Variants in PDE3B observed in about 807,000 individuals in gnomAD.
PDE3B encodes the protein phosphodiesterase 3B.
A neutral mutation model predicts 116.8 loss-of-function variants in PDE3B; 66 were observed. The observed-to-expected ratio is 0.56, with a 90% CI of 0.46 to 0.69. PDE3B has a LOEUF of 0.69. PDE3B is among the 30% of genes least tolerant of loss of function. PDE3B has a pLI of 0.00. For missense variants in PDE3B, 1,384 were observed against 1,368.1 expected (o/e 1.01, Z -0.18); for synonymous variants, 595 against 533.6 (o/e 1.12, Z -1.59).
chr11:14,819,075 T>C (rs1859428659), intron 6 of PDE3B, 61 bp from the exon 7 acceptor site: 2 of 948,182 alleles, frequency 2.1e-6, no homozygotes, highest in Admixed American at 3.8e-5. Context: ...TTTCTAATTG[T>C]GTTCAGGTAA....
At chr11:14,650,689 G>A (rs1853548737) in intron 1 of PDE3B, among the ~76,000 whole-genome samples, 1 of 152,112 alleles carries the variant, frequency 6.6e-6, no homozygotes, top group Non-Finnish European at 1.5e-5. Context: ...ACCCTTGGGA[G>A]GCTGAGGCCG....
At chr11:14,890,610 G>C in the PDE3B span, 1 of 212,562 alleles carries the variant, frequency 4.7e-6, no homozygotes, top group Non-Finnish European at 7.5e-6. Flanking sequence ...GCAGTGGCGC[G>C]ATCTCGGCTC....
intron 1 of PDE3B, among the ~76,000 whole-genome samples, chr11:14,731,940 G>A (rs1856469746): frequency 6.6e-6 from 1 of 152,028 alleles, no homozygotes; most frequent in Non-Finnish European, 1.5e-5. Context: ...GTGCTGTGGA[G>A]GAAAATTAAG....
At chr11:14,712,882 AT>A (rs1390287412) in intron 1 of PDE3B, among the ~76,000 whole-genome samples, 1 of 152,226 alleles carries the variant, frequency 6.6e-6, no homozygotes, top group Non-Finnish European at 1.5e-5. Flanking sequence ...CTGATGTCAG[AT>A]TTAGATAATG....
intron 1 of PDE3B, among the ~76,000 whole-genome samples, chr11:14,735,921 T>C (rs1856582815): frequency 6.6e-6 from 1 of 150,516 alleles, no homozygotes; most frequent in Non-Finnish European, 1.5e-5. Flanking sequence ...ATATTTAGAG[T>C]CCTCACAAAA....
rs1183036852 is a variant in PDE3B, at chr11:14,643,896, C to T, written c.-180C>T. 1.1e-6 allele frequency: 1 copy of T among 892,918 alleles called. No individual in the cohort carries two copies. The highest frequency in any genetic ancestry group is 4.0e-5 in the Admixed American group (1 of 24,736). 55.3% of individuals were successfully genotyped at this position (892,918 alleles called of 1,614,324 possible). On this transcript the variant is annotated 5_prime_UTR_variant, in exon 1 of 16. Coordinates refer to ENST00000282096, the MANE Select transcript of PDE3B (RefSeq NM_000922.4). ...GCCCCTCTCCTCAGCCAGCATGTCC[C>T]GGACTCCGCCGCTCCTCAGTCCGCG... is the stretch of plus-strand genomic sequence containing the variant.
At chr11:14,861,412 A>G (rs1555007153) in intron 14 of PDE3B, 46 bp downstream of exon 14, 1 of 1,546,360 alleles carries the variant, frequency 6.5e-7, no homozygotes, top group Non-Finnish European at 8.9e-7. Flanking sequence ...AGCTGTCATG[A>G]GAAGACACTA....
intron 13 of PDE3B, among the ~76,000 whole-genome samples, chr11:14,859,464 G>A (rs1390172984): frequency 3.3e-5 from 5 of 151,438 alleles, no homozygotes; most frequent in South Asian, 2.1e-4. Context: ...ATTTTCTTTC[G>A]ACACATAAAC....
chr11:14,726,283 C>T (rs1326862651), intron 1 of PDE3B, among the ~76,000 whole-genome samples: 2 of 152,018 alleles, frequency 1.3e-5, no homozygotes, highest in Non-Finnish European at 2.9e-5. Flanking sequence ...CTAATATGTT[C>T]TTGTTTATTA....
At chr11:14,710,288 A>G (rs1216165553) in intron 1 of PDE3B, among the ~76,000 whole-genome samples, 1 of 152,124 alleles carries the variant, frequency 6.6e-6, no homozygotes, top group African/African-American at 2.4e-5. Flanking sequence ...TGCTGAATAG[A>G]TGATTTATTT....
At position 14,830,148 on chromosome 11, in the gene PDE3B, A is replaced by G. The variant is rs118131261; in HGVS notation, c.1808-550A>G. 6.1e-3 allele frequency among the ~76,000 whole-genome samples: 924 copies of G among 152,284 alleles called. 4 individuals carry two copies. Among genetic ancestry groups the G allele is most frequent in the Non-Finnish European group, 0.011 (749 of 67,990 alleles). The stretch of plus-strand genomic sequence containing the variant: ...GTTTTGGGTAATTTCCCTGTTTAAG[A>G]TATTACAAATAGAATGAATATGAAT... On this transcript the variant is annotated intron_variant, in intron 7 of 15. Transcript: ENST00000282096.
chr11:14,677,312 C>G (rs545734237), intron 1 of PDE3B, among the ~76,000 whole-genome samples: 1 of 151,924 alleles, frequency 6.6e-6, no homozygotes, highest in Admixed American at 6.5e-5. Flanking sequence ...AGCCAAATCA[C>G]TCTCTGAGGA....
Position 14,818,238 on chromosome 11 carries a change from T to C in PDE3B, c.1578T>C (p.Thr526=). 1.9e-6 allele frequency: 3 copies of C among 1,613,764 alleles called. No homozygotes were observed. Among genetic ancestry groups the C allele is most frequent in the Non-Finnish European group, 2.5e-6 (3 of 1,179,714 alleles). Residue 526 remains threonine (T), a synonymous_variant, in exon 6 of 16, where the codon ACT becomes ACC. Coordinates refer to ENST00000282096, the MANE Select transcript of PDE3B (RefSeq NM_000922.4). ...VNSSNHGPVS[T]GSLTNRSPIE... is the part of the protein sequence containing the mutation. The stretch of plus-strand genomic sequence containing the variant: ...CTTCCAACCATGGACCAGTGTCTAC[T>C]GGCTCTCTAACTAATCGATCACCCA...
chr11:14,684,048 T>A (rs1854790431), intron 1 of PDE3B, among the ~76,000 whole-genome samples: 1 of 152,232 alleles, frequency 6.6e-6, no homozygotes, highest in Non-Finnish European at 1.5e-5. Context: ...ATTTCAATTC[T>A]CTGCATATAT....
chr11:14,830,199 A>G lies in PDE3B; in HGVS notation c.1808-499A>G, dbSNP rs546870603. On this transcript the variant is annotated intron_variant, in intron 7 of 15. Transcript: ENST00000282096. The stretch of plus-strand genomic sequence containing the variant: ...GTTTTTTAACACGTGAATGAATGCT[A>G]TTTAGCTATGAATACTGCTCTTCTT... 2.0e-5 allele frequency among the ~76,000 whole-genome samples: 3 copies of G among 152,282 alleles called. No individual in the cohort carries two copies. In the South Asian group the frequency reaches 6.2e-4, roughly 32 times the overall value.
the PDE3B span, chr11:14,879,333 A>T: frequency 6.2e-7 from 1 of 1,613,012 alleles, no homozygotes; most frequent in Non-Finnish European, 8.5e-7. Flanking sequence ...ATATTACAGA[A>T]TCTTAAAACT....
chr11:14,662,056 C>G (rs933132745), intron 1 of PDE3B, among the ~76,000 whole-genome samples: 4 of 152,256 alleles, frequency 2.6e-5, no homozygotes, highest in Admixed American at 6.5e-5. Context: ...GGAGGCACCC[C>G]CAAGTAGGGG....
Position 14,772,005 on chromosome 11 carries a change from C to T in PDE3B, c.1029+18C>T. On this transcript the variant is annotated intron_variant, in intron 2 of 15. Coordinates refer to ENST00000282096, the MANE Select transcript of PDE3B (RefSeq NM_000922.4). ...ATTATCAAGTAAGTATAATTAATAT[C>T]TGTGATGAATATCTAAATAATATCT... is the stretch of plus-strand genomic sequence containing the variant. 2.0e-6 allele frequency: 2 copies of T among 1,018,314 alleles called. No individual in the cohort carries two copies. Among genetic ancestry groups the T allele is most frequent in the South Asian group, 1.6e-5 (1 of 64,240 alleles). 63.1% of individuals were successfully genotyped at this position (1,018,314 alleles called of 1,614,324 possible). A position where few individuals can be genotyped will look rare whatever the true frequency, so the allele number is the denominator to read the frequency against.
At chr11:14,695,486 C>T (rs1855179606) in intron 1 of PDE3B, among the ~76,000 whole-genome samples, 1 of 151,918 alleles carries the variant, frequency 6.6e-6, no homozygotes, top group Non-Finnish European at 1.5e-5. Flanking sequence ...TTTACTGAGT[C>T]ATAGGGTAGG....
Sources: allele counts gnomAD v4.1 joint callset (sites outside exome capture counted in the v4.1 genomes callset), GRCh38; gene constraint gnomAD v4.1.1; transcripts MANE v1.5; gene names NCBI Gene and HGNC (gene_info 2026-07-23, HGNC 2026-07-21).